The following RARB variants were observed in gnomAD, a reference collection of about 807,000 sequenced individuals.
The protein encoded by RARB is HBV-activated protein.
In RARB, 17 loss-of-function variants were observed where a neutral mutation model predicts 51.9. The ratio of observed to expected loss-of-function variants is 0.33; its 90% CI spans 0.22 to 0.49. The LOEUF is 0.49. Among genes scored for constraint, RARB ranks in the 20% least tolerant of loss-of-function variants. The pLI is 0.99. For synonymous variants in RARB, 215 were observed against 195.4 expected (o/e 1.10, Z -0.84); for missense variants, 369 against 550.8 (o/e 0.67, Z 3.30).
At chr3:24,948,834 C>A (rs1230171620) in intron 2 of RARB, among the ~76,000 whole-genome samples, 1 of 152,202 alleles carries the variant, frequency 6.6e-6, no homozygotes, top group African/African-American at 2.4e-5. Flanking sequence ...GACGTGCCTG[C>A]TCCCTTTTGC....
intron 2 of RARB, among the ~76,000 whole-genome samples, chr3:24,931,908 T>A (rs551092933): frequency 3.3e-5 from 5 of 152,238 alleles, no homozygotes; most frequent in South Asian, 4.1e-4. Flanking sequence ...TTCTGTTAGT[T>A]GTTTGGAGAG....
chr3:24,886,190 A>G (rs1164158612), intron 2 of RARB, among the ~76,000 whole-genome samples: 2 of 152,152 alleles, frequency 1.3e-5, no homozygotes, highest in Admixed American at 1.3e-4. Context: ...CTGTGAGGCA[A>G]ATTTTGACAT....
At chr3:24,878,120 T>C (rs542476069) in intron 2 of RARB, among the ~76,000 whole-genome samples, 43 of 152,262 alleles carry the variant, frequency 2.8e-4, no homozygotes, top group Admixed American at 2.2e-3. Context: ...TTTAGAATTG[T>C]GTTGTCTTAA....
chr3:24,911,623 G>A (rs1413993045), intron 2 of RARB, among the ~76,000 whole-genome samples: 1 of 152,124 alleles, frequency 6.6e-6, no homozygotes, highest in East Asian at 1.9e-4. Flanking sequence ...GGATTGTATG[G>A]TTTCTCCACG....
chr3:25,299,646 A>G (rs1703993938), intron 5 of RARB, among the ~76,000 whole-genome samples: 1 of 152,198 alleles, frequency 6.6e-6, no homozygotes, highest in Non-Finnish European at 1.5e-5. Flanking sequence ...AAAGTTTTTA[A>G]AAGACCATAC....
intron 2 of RARB, among the ~76,000 whole-genome samples, chr3:24,930,357 T>C (rs1695412937): frequency 6.6e-6 from 1 of 152,018 alleles, no homozygotes; most frequent in African/African-American, 2.4e-5. Flanking sequence ...ACTGCGTTTG[T>C]GAGTGCTGCT....
At chr3:25,085,742 T>C (rs182774368) in intron 3 of RARB, among the ~76,000 whole-genome samples, 1 of 152,268 alleles carries the variant, frequency 6.6e-6, no homozygotes, top group East Asian at 1.9e-4. Context: ...AGCCCCTCCA[T>C]AATTGCTCAG....
At chr3:25,399,828 TCTCCCATAAGCTATCCA>T (rs1707216807) in intron 5 of RARB, among the ~76,000 whole-genome samples, 1 of 152,166 alleles carries the variant, frequency 6.6e-6, no homozygotes, top group South Asian at 2.1e-4. Flanking sequence ...AACTAGCAAG[TCTCCCATAAGCTATCCA>T]CCTCTGGGTC....
intron 2 of RARB, among the ~76,000 whole-genome samples, chr3:24,986,322 T>G (rs1271070508): frequency 6.6e-6 from 1 of 152,198 alleles, no homozygotes; most frequent in Non-Finnish European, 1.5e-5. Flanking sequence ...GTATTCAATA[T>G]TAGTCAAATT....
intron 4 of RARB, among the ~76,000 whole-genome samples, chr3:25,146,316 G>T (rs1042879727): frequency 1.3e-5 from 2 of 152,012 alleles, no homozygotes; most frequent in Non-Finnish European, 2.9e-5. Context: ...GTAAATATTT[G>T]GGGCTATGGG....
intron 5 of RARB, among the ~76,000 whole-genome samples, chr3:25,311,190 G>A (rs1382835532): frequency 6.6e-6 from 1 of 152,192 alleles, no homozygotes; most frequent in Non-Finnish European, 1.5e-5. Flanking sequence ...TAAAGGAGAG[G>A]CATATCAGAC....
chr3:25,457,393 C>T (rs1004718539), intron 1 of RARB, among the ~76,000 whole-genome samples: 1 of 152,314 alleles, frequency 6.6e-6, no homozygotes, highest in Admixed American at 6.5e-5. Flanking sequence ...CTATTGTACT[C>T]ACATGAGAAA....
intron 4 of RARB, among the ~76,000 whole-genome samples, chr3:25,153,135 A>AGTGTGTGTGT (rs59786696): frequency 2.7e-5 from 4 of 149,746 alleles, no homozygotes; most frequent in East Asian, 2.0e-4. Context: ...ATAGAGGCAG[A>AGTGTGTGTGT]GTGTGTGTGT....
At chr3:24,834,102 G>C (rs1186322752) in intron 1 of RARB, among the ~76,000 whole-genome samples, 1 of 152,156 alleles carries the variant, frequency 6.6e-6, no homozygotes, top group African/African-American at 2.4e-5. Flanking sequence ...TACCTTTCAT[G>C]GTAACTCACC....
At chr3:25,488,689 T>C (rs1387703018) in intron 2 of RARB, among the ~76,000 whole-genome samples, 1 of 152,170 alleles carries the variant, frequency 6.6e-6, no homozygotes, top group Non-Finnish European at 1.5e-5. Context: ...AGGAGAAAAA[T>C]GTAATTTTGA....
At chr3:25,177,446 C>G (rs1157208061) in intron 5 of RARB, among the ~76,000 whole-genome samples, 1 of 152,190 alleles carries the variant, frequency 6.6e-6, no homozygotes, top group Non-Finnish European at 1.5e-5. Flanking sequence ...GAGAATGACT[C>G]TGTAAAGAGA....
chr3:25,164,279 G>C (rs1008578109), intron 4 of RARB, among the ~76,000 whole-genome samples: 1 of 152,174 alleles, frequency 6.6e-6, no homozygotes, highest in East Asian at 1.9e-4. Flanking sequence ...TAGCCCACTG[G>C]ATATTGAGCA....
In RARB at chr3:24,885,859, G is replaced by A. The variant is rs1474110802; in HGVS notation, c.-380+27107G>A. Among the ~76,000 whole-genome samples, 4 of 152,208 alleles carry A rather than the reference G, an allele frequency of 2.6e-5. No homozygotes were observed. The South Asian group carries it at 8.3e-4, about 31-fold the overall frequency. ...CTTTTACAGTGAAGTTGTATCATAT[G>A]TGCCTTTAAGCAACTTAAACTATAT... On this transcript the variant is annotated intron_variant, in intron 2 of 11. Coordinates refer to the RARB transcript ENST00000383772.
intron 2 of RARB, among the ~76,000 whole-genome samples, chr3:25,477,743 C>T (rs1305701872): frequency 1.3e-5 from 2 of 152,188 alleles, no homozygotes; most frequent in African/African-American, 4.8e-5. Flanking sequence ...AGACGTGTCC[C>T]AGTTACCATT....
Sources: allele counts gnomAD v4.1 joint callset (sites outside exome capture counted in the v4.1 genomes callset), GRCh38; gene constraint gnomAD v4.1.1; transcripts MANE v1.5; gene names NCBI Gene and HGNC (gene_info 2026-07-23, HGNC 2026-07-21).